The following FBXL7 variants were observed in gnomAD, a reference collection of about 807,000 sequenced individuals.
The protein encoded by FBXL7 is F-box/LRR-repeat protein 7.
Under a neutral mutation model 38.3 loss-of-function variants are expected in FBXL7, and 12 were observed. The observed-to-expected ratio is 0.31, with a 90% CI of 0.20 to 0.51. The LOEUF (loss-of-function observed/expected upper bound fraction) is 0.51, where lower values mean the gene tolerates loss of function less well. Ranked by LOEUF, FBXL7 falls within the 20% of genes least tolerant of loss-of-function variation. The pLI is 0.98. For synonymous variants in FBXL7, 297 were observed against 300.9 expected, an observed-to-expected ratio of 0.99 and a Z score of 0.13; for missense variants, 567 against 676.4, an observed-to-expected ratio of 0.84 and a Z score of 1.79.
intron 2 of FBXL7, among the ~76,000 whole-genome samples, chr5:15,873,165 C>T (rs1272742412): frequency 6.6e-6 from 1 of 151,918 alleles, no homozygotes; most frequent in Non-Finnish European, 1.5e-5. Flanking sequence ...ACTGAACAAC[C>T]TGCTCCTGAA....
rs539968670 is a variant in FBXL7, at chr5:15,533,633, A to G, written c.37+32920A>G. Reference sequence around the variant, plus strand: ...GAAAGCCAGAAAAATCGCCTAAACAATGAGGGATCCCAGTTCCTGCGGGCT... The same window carrying G: ...GAAAGCCAGAAAAATCGCCTAAACAGTGAGGGATCCCAGTTCCTGCGGGCT... On this transcript the variant is annotated intron_variant, in intron 1 of 3. Transcript: ENST00000504595. Among the ~76,000 whole-genome samples, 14 of 152,302 alleles carry G rather than the reference A, an allele frequency of 9.2e-5. No individual in the cohort carries two copies. In the South Asian group the frequency reaches 2.7e-3, roughly 29 times the overall value.
At chr5:15,834,281 C>G (rs1295376079) in intron 2 of FBXL7, among the ~76,000 whole-genome samples, 2 of 152,116 alleles carry the variant, frequency 1.3e-5, no homozygotes, top group Non-Finnish European at 2.9e-5. Flanking sequence ...AACTGAAAGC[C>G]TAGATTATGT....
At chr5:15,535,489 T>A (rs1011939448) in intron 1 of FBXL7, among the ~76,000 whole-genome samples, 3 of 152,170 alleles carry the variant, frequency 2.0e-5, no homozygotes, top group African/African-American at 7.2e-5. Context: ...TATTGTGAAC[T>A]GGAGTAAAGG....
chr5:15,841,910 G>T (rs544826209), intron 2 of FBXL7, among the ~76,000 whole-genome samples: 10 of 152,272 alleles, frequency 6.6e-5, no homozygotes, highest in Non-Finnish European at 1.5e-4. Context: ...ACACCTGGAT[G>T]TCCAGGCAGA....
intron 2 of FBXL7, among the ~76,000 whole-genome samples, chr5:15,923,066 T>G (rs1741784993): frequency 6.6e-6 from 1 of 152,224 alleles, no homozygotes; most frequent in South Asian, 2.1e-4. Context: ...TATTGCAATG[T>G]CGTAAGACCA....
intron 1 of FBXL7, among the ~76,000 whole-genome samples, chr5:15,563,589 A>T (rs1046411143): frequency 6.6e-6 from 1 of 151,970 alleles, no homozygotes; most frequent in Non-Finnish European, 1.5e-5. Flanking sequence ...TCTTTAGAGG[A>T]TGTCATCCCT....
rs5866158 is a variant in FBXL7, at chr5:15,704,967, T to TAA, written c.127+88907_127+88908dup. Among the ~76,000 whole-genome samples, 232 of 147,544 alleles carry TAA rather than the reference T, an allele frequency of 1.6e-3. 1 individual carries two copies. The highest frequency in any genetic ancestry group is 7.3e-3 in the East Asian group (37 of 5,042). On this transcript the variant is annotated intron_variant, in intron 2 of 3. Transcript: ENST00000504595. ...ATTTAGATTGGTAACATGGGCTAGG[T>TAA]AAAAAAAAAAAAATTAAATATATAT... is the stretch of plus-strand genomic sequence containing the variant.
intron 2 of FBXL7, among the ~76,000 whole-genome samples, chr5:15,863,762 G>T (rs544560735): frequency 3.3e-4 from 51 of 152,266 alleles, no homozygotes; most frequent in African/African-American, 1.1e-3. Context: ...CACCAAGAGA[G>T]CTGGTTGTTA....
chr5:15,585,919 A>C (rs1350921281), intron 1 of FBXL7, among the ~76,000 whole-genome samples: 10 of 152,186 alleles, frequency 6.6e-5, no homozygotes, highest in Non-Finnish European at 1.0e-4. Context: ...TCCTGGAGGA[A>C]GCTTCCCTTT....
chr5:15,558,352 C>T (rs1430743601), intron 1 of FBXL7, among the ~76,000 whole-genome samples: 1 of 152,162 alleles, frequency 6.6e-6, no homozygotes, highest in East Asian at 1.9e-4. Context: ...CTTCCCTTTT[C>T]TTTAACACAG....
At chr5:15,552,185 T>G (rs1033123656) in intron 1 of FBXL7, among the ~76,000 whole-genome samples, 3 of 152,196 alleles carry the variant, frequency 2.0e-5, no homozygotes, top group Admixed American at 2.0e-4. Context: ...AGATATTCAG[T>G]TTAATTTCAT....
At chr5:15,915,746 C>G (rs1426340800) in intron 2 of FBXL7, among the ~76,000 whole-genome samples, 1 of 152,094 alleles carries the variant, frequency 6.6e-6, no homozygotes, top group African/African-American at 2.4e-5. Context: ...AAAGTAAACC[C>G]TGAATGCAGG....
chr5:15,649,519 A>G (rs1741638946), intron 2 of FBXL7, among the ~76,000 whole-genome samples: 2 of 152,168 alleles, frequency 1.3e-5, no homozygotes, highest in African/African-American at 4.8e-5. Context: ...AGAAGGGAAC[A>G]AAAGAGGCCA....
chr5:15,584,346 C>A (rs144774839), intron 1 of FBXL7, among the ~76,000 whole-genome samples: 105 of 152,320 alleles, frequency 6.9e-4, no homozygotes, highest in African/African-American at 2.4e-3. Flanking sequence ...GGCCAGGCTG[C>A]AAATTTTCCA....
chr5:15,775,256 G>C (rs918593050), intron 2 of FBXL7, among the ~76,000 whole-genome samples: 2 of 151,940 alleles, frequency 1.3e-5, no homozygotes, highest in African/African-American at 2.4e-5. Flanking sequence ...TTTAGAGTTG[G>C]GTTTTTTGTT....
At chr5:15,837,558 C>T (rs1159557817) in intron 2 of FBXL7, among the ~76,000 whole-genome samples, 2 of 152,144 alleles carry the variant, frequency 1.3e-5, no homozygotes, top group Admixed American at 6.5e-5. Flanking sequence ...TTAGGAAAAG[C>T]GTGCTTAGAT....
chr5:15,890,594 G>A (rs953925374), intron 2 of FBXL7, among the ~76,000 whole-genome samples: 5 of 152,124 alleles, frequency 3.3e-5, no homozygotes, highest in Non-Finnish European at 4.4e-5. Context: ...GCATGCAACG[G>A]ACCTAGGTTG....
At chr5:15,596,229 GA>G (rs1739621352) in intron 1 of FBXL7, among the ~76,000 whole-genome samples, 2 of 152,138 alleles carry the variant, frequency 1.3e-5, no homozygotes, top group African/African-American at 4.8e-5. Context: ...AAATAACTAA[GA>G]AAAAGGCATT....
intron 2 of FBXL7, among the ~76,000 whole-genome samples, chr5:15,653,677 A>G (rs1741780918): frequency 1.3e-5 from 2 of 152,244 alleles, no homozygotes; most frequent in South Asian, 4.1e-4. Flanking sequence ...GACAATATGT[A>G]AAAGCCATTG....
Sources: gnomAD v4.1 joint callset for allele counts (sites outside exome capture counted in the v4.1 genomes callset) on GRCh38, gnomAD v4.1.1 for gene constraint, MANE v1.5 for transcripts, NCBI Gene and HGNC (gene_info 2026-07-23, HGNC 2026-07-21) for gene names.